The following PHKB variants were observed in gnomAD, a reference collection of about 807,000 sequenced individuals.
PHKB encodes phosphorylase kinase regulatory subunit beta, also known as phosphorylase b kinase regulatory subunit beta.
PHKB carries 122 observed loss-of-function variants against 152.1 expected under a neutral mutation model. The observed-to-expected ratio is 0.80, with a 90% confidence interval of 0.69 to 0.93. The LOEUF (loss-of-function observed/expected upper bound fraction) is 0.93, where lower values mean the gene tolerates loss of function less well. PHKB is among the 40% of genes least tolerant of loss of function. The probability of loss-of-function intolerance (pLI) is 0.00; values close to 1 mark genes in which losing one functional copy is unlikely to be tolerated. For synonymous variants in PHKB, 436 were observed against 464.9 expected (o/e 0.94, Z 0.80); for missense variants, 1,304 against 1,328.4 (o/e 0.98, Z 0.29).
At chr16:47,464,576 T>G (rs1351074156) in intron 1 of PHKB, among the ~76,000 whole-genome samples, 2 of 152,152 alleles carry the variant, frequency 1.3e-5, no homozygotes, top group African/African-American at 4.8e-5. Flanking sequence ...ATGAAAGCTA[T>G]GGAATTGCTC....
chr16:47,695,650 T>G (rs533579299), intron 28 of PHKB, among the ~76,000 whole-genome samples: 1 of 152,338 alleles, frequency 6.6e-6, no homozygotes, highest in African/African-American at 2.4e-5. Context: ...TGTCTCATCA[T>G]TTCTGCCTCT....
intron 6 of PHKB, among the ~76,000 whole-genome samples, chr16:47,530,561 A>T (rs1490861716): frequency 1.3e-5 from 2 of 152,244 alleles, no homozygotes; most frequent in African/African-American, 4.8e-5. Flanking sequence ...TTTCTAGTGA[A>T]TTAAAATGAA....
At chr16:47,548,954 A>G (rs1399325855) in intron 7 of PHKB, among the ~76,000 whole-genome samples, 1 of 152,220 alleles carries the variant, frequency 6.6e-6, no homozygotes, top group African/African-American at 2.4e-5. Flanking sequence ...TTAATAAAAA[A>G]TAAAAAATAT....
At chr16:47,557,988 T>C (rs560120279) in intron 7 of PHKB, among the ~76,000 whole-genome samples, 1 of 152,002 alleles carries the variant, frequency 6.6e-6, no homozygotes, top group South Asian at 2.1e-4. Flanking sequence ...CCAACCCAAA[T>C]GTCCAACAAT....
rs886052021 is a variant in PHKB at position 47,547,541 on chromosome 16, C to T, written c.703C>T (p.His235Tyr). ...SKYNNGSTEL[H>Y]SSSVGLAKAA... ...ATATAATAATGGCAGCACAGAGCTACATTCGAGGTAATTTGCTGATTTCTG... is the reference window on the plus strand; with the variant it reads ...ATATAATAATGGCAGCACAGAGCTATATTCGAGGTAATTTGCTGATTTCTG... Residue 235 changes from histidine to tyrosine, a missense_variant, in exon 7 of 31, where the codon CAT (histidine) becomes TAT (tyrosine). Coordinates refer to ENST00000323584, the MANE Select transcript of PHKB (RefSeq NM_000293.3). The T allele has an allele frequency of 5.1e-6, 8 of 1,575,220 alleles. No individual in the cohort carries two copies. The highest frequency in any genetic ancestry group is 7.0e-6 in the Non-Finnish European group (8 of 1,145,196).
intron 26 of PHKB, chr16:47,676,240 T>G (rs1002483817): frequency 1.3e-5 from 2 of 152,236 alleles, no homozygotes; most frequent in Non-Finnish European, 2.9e-5. Flanking sequence ...CTTTGTGTAT[T>G]GTAGTGGTTG....
At chr16:47,578,527 GCCATTATTTTTGTTGACATCCAGGTCC>G (rs975100337) in intron 7 of PHKB, among the ~76,000 whole-genome samples, 1 of 152,128 alleles carries the variant, frequency 6.6e-6, no homozygotes, top group Non-Finnish European at 1.5e-5. Context: ...GGAATATAAG[GCCATTATTTTTGTTGACATCCAGGTCC>G]CCAGTAGGCC....
intron 6 of PHKB, among the ~76,000 whole-genome samples, chr16:47,525,468 G>T (rs1970750657): frequency 6.6e-6 from 1 of 152,120 alleles, no homozygotes; most frequent in South Asian, 2.1e-4. Context: ...TGTTTGAAGA[G>T]ATGATGACTG....
At chr16:47,536,873 A>G (rs1357952278) in intron 6 of PHKB, among the ~76,000 whole-genome samples, 1 of 152,256 alleles carries the variant, frequency 6.6e-6, no homozygotes, top group Non-Finnish European at 1.5e-5. Context: ...AGTGAGAGTT[A>G]GGAGAAATTA....
intron 22 of PHKB, 139 bp from the exon 23 acceptor site, chr16:47,661,580 A>G: frequency 2.9e-6 from 2 of 697,100 alleles, no homozygotes; most frequent in Non-Finnish European, 5.3e-6. Context: ...TTGATATTAT[A>G]TCAATGACAT....
At chr16:47,559,411 A>G (rs1971438133) in intron 7 of PHKB, among the ~76,000 whole-genome samples, 1 of 152,224 alleles carries the variant, frequency 6.6e-6, no homozygotes, top group African/African-American at 2.4e-5. Flanking sequence ...AGGCATAAAA[A>G]CAACAACAAT....
At position 47,700,293 on chromosome 16, in the gene PHKB, G is replaced by A. The variant is rs1410649938; in HGVS notation, c.*927G>A. ...TGAACCAGGAGACGGAGGTTGCAGT[G>A]AGCTGAAATCCTGCCACTGCACACC... On this transcript the variant is annotated 3_prime_UTR_variant, in exon 31 of 31. Coordinates refer to ENST00000323584, the MANE Select transcript of PHKB (RefSeq NM_000293.3). The A allele has an allele frequency of 2.1e-5, 3 of 145,830 alleles. No homozygotes were observed. The highest frequency in any genetic ancestry group is 4.5e-5 in the Non-Finnish European group (3 of 67,264). 9.0% of individuals were successfully genotyped at this position (145,830 alleles called of 1,614,324 possible). A position where few individuals can be genotyped will look rare whatever the true frequency, so the allele number is the denominator to read the frequency against.
chr16:47,650,293 C>A (rs898541527), intron 18 of PHKB, among the ~76,000 whole-genome samples: 3 of 152,054 alleles, frequency 2.0e-5, no homozygotes, highest in Admixed American at 6.6e-5. Context: ...CACATTAAAA[C>A]AAATGTAGCG....
At chr16:47,559,447 T>G (rs1971439068) in intron 7 of PHKB, among the ~76,000 whole-genome samples, 1 of 152,178 alleles carries the variant, frequency 6.6e-6, no homozygotes, top group South Asian at 2.1e-4. Context: ...TCTTACATTA[T>G]TATTTATTAT....
At chr16:47,546,553 C>T (rs954199016) in intron 6 of PHKB, among the ~76,000 whole-genome samples, 1 of 152,188 alleles carries the variant, frequency 6.6e-6, no homozygotes, top group Non-Finnish European at 1.5e-5. Flanking sequence ...AGTTAGGCTA[C>T]ATGGGGGTCA....
At chr16:47,559,236 G>A (rs1427270340) in intron 7 of PHKB, among the ~76,000 whole-genome samples, 1 of 152,082 alleles carries the variant, frequency 6.6e-6, no homozygotes, top group Non-Finnish European at 1.5e-5. Flanking sequence ...AACCCTTAGG[G>A]TCTAAGGCTC....
chr16:47,615,391 T>C (rs1972497595), intron 14 of PHKB, among the ~76,000 whole-genome samples: 1 of 152,154 alleles, frequency 6.6e-6, no homozygotes, highest in South Asian at 2.1e-4. Flanking sequence ...GCGCTGTGGT[T>C]GTGAAGCAGA....
At chr16:47,514,511 C>T (rs1198643817) in intron 5 of PHKB, among the ~76,000 whole-genome samples, 1 of 152,162 alleles carries the variant, frequency 6.6e-6, no homozygotes, top group Non-Finnish European at 1.5e-5. Context: ...AGCAAGAATT[C>T]ACCCTTCCTC....
At chr16:47,581,573 T>TA (rs1971846487) in intron 8 of PHKB, among the ~76,000 whole-genome samples, 1 of 152,250 alleles carries the variant, frequency 6.6e-6, no homozygotes, top group South Asian at 2.1e-4. Context: ...AAGATAATGA[T>TA]AATAGGACCT....
Sources: gnomAD v4.1 joint callset for allele counts (sites outside exome capture counted in the v4.1 genomes callset) on GRCh38, gnomAD v4.1.1 for gene constraint, MANE v1.5 for transcripts, NCBI Gene and HGNC (gene_info 2026-07-23, HGNC 2026-07-21) for gene names.